Variants in SENP7 observed in about 807,000 individuals in gnomAD.
The protein encoded by SENP7 is sentrin-specific protease 7.
A neutral mutation model predicts 141.2 loss-of-function variants in SENP7; 64 were observed. The observed-to-expected ratio is 0.45, with a 90% CI of 0.37 to 0.56. The LOEUF is 0.56. SENP7 is among the 20% of genes least tolerant of loss of function. The probability of loss-of-function intolerance (pLI) is 0.00; values close to 1 mark genes in which losing one functional copy is unlikely to be tolerated. For missense variants in SENP7, 1,025 were observed against 1,212.2 expected (o/e 0.85, Z 2.29); for synonymous variants, 382 against 426.4 (o/e 0.90, Z 1.28).
intron 22 of SENP7, 88 bp from the exon 23 acceptor site, chr3:101,327,904 G>A (rs2058945559): frequency 8.9e-7 from 1 of 1,123,746 alleles, no homozygotes; most frequent in Non-Finnish European, 1.2e-6. Flanking sequence ...AACATTTGTT[G>A]CCAGATGTGC....
intron 2 of SENP7, among the ~76,000 whole-genome samples, chr3:101,494,835 A>G (rs923966642): frequency 2.0e-5 from 3 of 152,204 alleles, no homozygotes; most frequent in African/African-American, 7.2e-5. Context: ...ACAAAACTAT[A>G]AAAACCCTAC....
At chr3:101,489,670 C>A (rs1466555574) in intron 3 of SENP7, among the ~76,000 whole-genome samples, 1 of 152,154 alleles carries the variant, frequency 6.6e-6, no homozygotes, top group Non-Finnish European at 1.5e-5. Context: ...TTTTGCTTGA[C>A]CTACAAAAAG....
intron 4 of SENP7, chr3:101,457,821 G>A (rs762002337): frequency 8.3e-5 from 48 of 578,360 alleles, no homozygotes; most frequent in African/African-American, 9.4e-5. Flanking sequence ...GCACACATGC[G>A]GAGATGCAAG....
intron 9 of SENP7, among the ~76,000 whole-genome samples, chr3:101,365,887 G>T (rs1283889353): frequency 1.3e-5 from 2 of 152,100 alleles, no homozygotes; most frequent in Non-Finnish European, 2.9e-5. Flanking sequence ...ACAAATTCTA[G>T]TTCTAACAGT....
intron 4 of SENP7, among the ~76,000 whole-genome samples, chr3:101,436,129 A>C (rs957904970): frequency 6.6e-6 from 1 of 152,200 alleles, no homozygotes; most frequent in Middle Eastern, 3.2e-3. Flanking sequence ...ATACACCTAC[A>C]GTGAACTCAT....
intron 6 of SENP7, among the ~76,000 whole-genome samples, chr3:101,377,784 T>C (rs181427660): frequency 8.3e-4 from 126 of 152,352 alleles, no homozygotes; most frequent in Non-Finnish European, 1.6e-3. Flanking sequence ...CAAGACCATC[T>C]AGCTTTCCAT....
chr3:101,381,338 C>G (rs4683895), intron 6 of SENP7, among the ~76,000 whole-genome samples: 28,159 of 152,028 alleles, frequency 0.19, 3,096 homozygotes, highest in Admixed American at 0.35. Flanking sequence ...ATATTAACTG[C>G]TCTCCTATCT....
At chr3:101,358,331 C>A in intron 11 of SENP7, 2 of 762,980 alleles carry the variant, frequency 2.6e-6, no homozygotes, top group African/African-American at 1.8e-5. Context: ...TCATATTGCA[C>A]AGGAAACCTA....
At chr3:101,359,480 C>A (rs1003349804) in intron 11 of SENP7, among the ~76,000 whole-genome samples, 1 of 151,378 alleles carries the variant, frequency 6.6e-6, no homozygotes, top group Non-Finnish European at 1.5e-5. Flanking sequence ...AATGTACTTT[C>A]TTTCTTTCTC....
intron 4 of SENP7, among the ~76,000 whole-genome samples, chr3:101,443,723 G>A (rs1351247086): frequency 1.6e-5 from 2 of 123,402 alleles, no homozygotes; most frequent in African/African-American, 3.4e-5. Context: ...TTGTGAATGC[G>A]AGTTCACTCA....
chr3:101,356,181 C>T (rs2107306793), intron 11 of SENP7, among the ~76,000 whole-genome samples: 1 of 152,174 alleles, frequency 6.6e-6, no homozygotes, highest in East Asian at 1.9e-4. Flanking sequence ...CTCTGAACAC[C>T]TACCTTATAC....
intron 3 of SENP7, among the ~76,000 whole-genome samples, chr3:101,481,565 C>T (rs955759679): frequency 4.6e-5 from 7 of 152,004 alleles, no homozygotes; most frequent in Non-Finnish European, 7.4e-5. Flanking sequence ...GGAGTAAGTT[C>T]TAATATTCAG....
intron 3 of SENP7, among the ~76,000 whole-genome samples, chr3:101,468,011 A>G (rs1053354326): frequency 1.3e-5 from 2 of 152,190 alleles, no homozygotes; most frequent in African/African-American, 4.8e-5. Context: ...AGAAGATTTT[A>G]AATGACCTCA....
In SENP7 at chr3:101,361,740, T is replaced by C; in HGVS notation, c.1598A>G (p.Lys533Arg). Residue 533 changes from lysine (K) to arginine (R), a missense_variant, in exon 11 of 24, where the codon AAA becomes AGA. Around this residue, in one of 4 missense-constraint regions of SENP7, gnomAD observed 228 missense variants for 228.5 expected, o/e 1.00. Coordinates refer to ENST00000394095, the MANE Select transcript of SENP7 (RefSeq NM_020654.5). ...TGTAACACAACCTTTAGAAGCTCCT[T>C]TTATTTTACCAATATAAACAGAAGT... ...IFTSVYIGKI[K>R]GASKGCVTIT... 6.3e-7 allele frequency: 1 copy of C among 1,584,786 alleles called. No homozygotes were observed. Among genetic ancestry groups the C allele is most frequent in the Middle Eastern group, 1.7e-4 (1 of 5,950 alleles).
chr3:101,475,878 A>G (rs1315718205), intron 3 of SENP7, among the ~76,000 whole-genome samples: 1 of 152,198 alleles, frequency 6.6e-6, no homozygotes, highest in Admixed American at 6.5e-5. Context: ...AACTAAAGAG[A>G]GAGATAAATC....
chr3:101,485,086 C>A lies in SENP7; in HGVS notation c.186+8787G>T, dbSNP rs773925522. ...ACCTGGGAATCTCACCCACACCCCC[C>A]ACAGCAGCCAAAACAAGACCCACCC... On this transcript the variant is annotated intron_variant, in intron 3 of 23. Coordinates refer to ENST00000394095, the MANE Select transcript of SENP7 (RefSeq NM_020654.5). Among the ~76,000 whole-genome samples the A allele has an allele frequency of 1.1e-3, 173 of 152,126 alleles. 1 individual carries two copies. Among genetic ancestry groups the A allele is most frequent in the Non-Finnish European group, 2.2e-3 (149 of 67,988 alleles).
chr3:101,383,358 G>A (rs1476988483), intron 6 of SENP7, among the ~76,000 whole-genome samples: 3 of 152,228 alleles, frequency 2.0e-5, no homozygotes, highest in Admixed American at 2.0e-4. Flanking sequence ...GGGAGGCACA[G>A]CCGGGACTGC....
At chr3:101,427,652 CTTTTTCTTT>C (rs2062009827) in intron 4 of SENP7, among the ~76,000 whole-genome samples, 2 of 151,884 alleles carry the variant, frequency 1.3e-5, no homozygotes, top group African/African-American at 2.4e-5. Flanking sequence ...TTTCCTTTTT[CTTTTTCTTT>C]TTTTTCTTTT....
chr3:101,504,975 G>A (rs778396988), intron 1 of SENP7, among the ~76,000 whole-genome samples: 1 of 151,848 alleles, frequency 6.6e-6, no homozygotes, highest in Non-Finnish European at 1.5e-5. Flanking sequence ...GGCATGTGGA[G>A]AATCGCTTGA....
Sources: allele counts gnomAD v4.1 joint callset (sites outside exome capture counted in the v4.1 genomes callset), GRCh38; gene constraint gnomAD v4.1.1; regional missense constraint gnomAD v4.1.1; transcripts MANE v1.5; gene names NCBI Gene and HGNC (gene_info 2026-07-23, HGNC 2026-07-21).